DLG1: variants seen among roughly 807,000 people sequenced by gnomAD.
DLG1 encodes the protein discs large MAGUK scaffold protein 1, also known as disks large homolog 1.
In DLG1, 42 loss-of-function variants were observed where a neutral mutation model predicts 123.4. That is an observed-to-expected ratio of 0.34 (90% CI 0.27 to 0.44). The LOEUF is 0.44. Ranked by LOEUF, DLG1 falls within the 20% of genes least tolerant of loss-of-function variation. The pLI, the probability that DLG1 is intolerant of heterozygous loss-of-function variation, is 1.00. For synonymous variants in DLG1, 317 were observed against 356.2 expected (o/e 0.89, Z 1.24); for missense variants, 942 against 1,082.6 (o/e 0.87, Z 1.82).
chr3:197,252,647 AAG>A (rs1249972490), intron 4 of DLG1, among the ~76,000 whole-genome samples: 3 of 152,202 alleles, frequency 2.0e-5, no homozygotes, highest in Non-Finnish European at 2.9e-5. Flanking sequence ...GCAAGATGAA[AAG>A]AGTCTGTAGA....
chr3:197,140,286 T>A, intron 7 of DLG1, 22 bp from the exon 8 acceptor site: 1 of 1,608,736 alleles, frequency 6.2e-7, no homozygotes, highest in East Asian at 2.2e-5. Flanking sequence ...AGAAAAAAAA[T>A]TGAGACTGAA....
At position 197,282,058 on chromosome 3, in the gene DLG1, G is replaced by A. The variant is rs1007573881; in HGVS notation, c.318+621C>T. 2.6e-5 allele frequency among the ~76,000 whole-genome samples: 4 copies of A among 152,112 alleles called. 1 individual carries two copies. Among genetic ancestry groups the A allele is most frequent in the Non-Finnish European group, 4.4e-5 (3 of 68,022 alleles). On this transcript the variant is annotated intron_variant, in intron 4 of 24. Coordinates refer to ENST00000667157, the MANE Select transcript of DLG1 (RefSeq NM_001366207.1). The stretch of plus-strand genomic sequence containing the variant: ...ACTTTCAAATGACTAATGCTTCTTA[G>A]GCAGAATCTTTGTTACAAACTGCTT...
Position 197,059,892 on chromosome 3 carries a change from A to G in DLG1, c.2480T>C (p.Ile827Thr), listed in dbSNP as rs1374901932. Residue 827 changes from isoleucine (I) to threonine (T), a missense_variant, in exon 23 of 25, where the codon ATC becomes ACC. Ile to Thr is a moderately conservative substitution (Grantham distance 89, BLOSUM62 -1). Transcript: ENST00000667157. ...TGCCTTAGGCATTTACACTTACATG[A>G]TATTTTCCATGGATTTGGGTTTAAT... is the stretch of plus-strand genomic sequence containing the variant. ...IFIKPKSMEN[I>T]MEMNKRLTEE... 8 of 1,607,454 alleles carry G rather than the reference A, an allele frequency of 5.0e-6. No individual in the cohort carries two copies. The highest frequency in any genetic ancestry group is 3.3e-5 in the Admixed American group (2 of 59,928).
chr3:197,290,087 C>A (rs1774074538), intron 3 of DLG1, among the ~76,000 whole-genome samples: 1 of 151,630 alleles, frequency 6.6e-6, no homozygotes, highest in African/African-American at 2.4e-5. Context: ...CATAAGGACA[C>A]AAGCTTGAAA....
intron 14 of DLG1, among the ~76,000 whole-genome samples, chr3:197,099,981 C>T (rs1762587646): frequency 6.6e-6 from 1 of 152,164 alleles, no homozygotes; most frequent in East Asian, 1.9e-4. Context: ...ATCTGACAGG[C>T]ATATGGCATT....
chr3:197,074,567 C>T (rs1746038072), intron 18 of DLG1, among the ~76,000 whole-genome samples: 1 of 152,014 alleles, frequency 6.6e-6, no homozygotes, highest in Non-Finnish European at 1.5e-5. Context: ...TTATCAATCT[C>T]AAAATAAATT....
intron 4 of DLG1, among the ~76,000 whole-genome samples, chr3:197,271,417 C>T (rs1763868568): frequency 6.6e-6 from 1 of 152,150 alleles, no homozygotes; most frequent in African/African-American, 2.4e-5. Flanking sequence ...TAGTTTTTCC[C>T]CTTCCTATAC....
chr3:197,164,445 A>C (rs1411727021), intron 5 of DLG1, among the ~76,000 whole-genome samples: 1 of 151,982 alleles, frequency 6.6e-6, no homozygotes, highest in East Asian at 1.9e-4. Context: ...AATTCTAGAA[A>C]TCTACCCTAA....
intron 4 of DLG1, among the ~76,000 whole-genome samples, chr3:197,206,924 T>G (rs1278916738): frequency 2.0e-5 from 3 of 152,190 alleles, no homozygotes; most frequent in Non-Finnish European, 4.4e-5. Flanking sequence ...TATATAGATA[T>G]CGATTGCTTT....
At chr3:197,193,252 T>A (rs1720622356) in intron 5 of DLG1, among the ~76,000 whole-genome samples, 1 of 152,136 alleles carries the variant, frequency 6.6e-6, no homozygotes, top group African/African-American at 2.4e-5. Context: ...ACGTAACAGA[T>A]AAGGAAACCT....
At chr3:197,052,392 T>G (rs940808586) in intron 23 of DLG1, among the ~76,000 whole-genome samples, 15 of 151,984 alleles carry the variant, frequency 9.9e-5, no homozygotes, top group Non-Finnish European at 1.8e-4. Context: ...GAGGCAGAGG[T>G]TGCAGTGAGC....
intron 8 of DLG1, 77 bp from the exon 9 acceptor site, chr3:197,138,468 G>A (rs1173397090): frequency 4.1e-6 from 3 of 732,158 alleles, no homozygotes; most frequent in East Asian, 9.5e-5. Flanking sequence ...CCAATTTTTT[G>A]TTACTTCTTT....
chr3:197,076,004 AT>A, intron 18 of DLG1: 1 of 537,542 alleles, frequency 1.9e-6, no homozygotes, highest in Non-Finnish European at 3.1e-6. Flanking sequence ...CTTACAGAGC[AT>A]TTTTACATAT....
rs575916812 is a variant in DLG1 at position 197,066,653 on chromosome 3, A to G, written c.2098+51T>C. On this transcript the variant is annotated intron_variant, in intron 20 of 24. Coordinates refer to ENST00000667157, the MANE Select transcript of DLG1 (RefSeq NM_001366207.1). ...TATGAGAATTTTTTTCCCCCAAATT[A>G]AAAAGTATATTCTTCTAGAAGGTTA... 28 of 1,405,732 alleles carry G rather than the reference A, an allele frequency of 2.0e-5. No individual in the cohort carries two copies. The South Asian group carries it at 3.7e-4, about 18-fold the overall frequency. The allele number at this position is 1,405,732 out of a possible 1,614,324, so 87.1% of individuals were successfully genotyped here.
rs865908767 is a variant in DLG1 at position 197,273,226 on chromosome 3, A to G, written c.318+9453T>C. On this transcript the variant is annotated intron_variant, in intron 4 of 24. Coordinates refer to ENST00000667157, the MANE Select transcript of DLG1 (RefSeq NM_001366207.1). ...TGTGTGTGTGTATGTGTGTGTATAT[A>G]TATATATTTTTTTCTTTATTTTTAT... 1.4e-3 allele frequency among the ~76,000 whole-genome samples: 171 copies of G among 123,568 alleles called. 1 individual carries two copies. Among genetic ancestry groups the G allele is most frequent in the Middle Eastern group, 8.3e-3 (2 of 240 alleles). The allele number at this position is 123,568 out of a possible 152,430, so 81.1% of individuals were successfully genotyped here. A position where few individuals can be genotyped will look rare whatever the true frequency, so the allele number is the denominator to read the frequency against.
In DLG1 at chr3:197,054,156, TAAG is replaced by T. The variant is rs200802472; in HGVS notation, c.2484-2491_2484-2489del. Among the ~76,000 whole-genome samples the T allele has an allele frequency of 6.0e-3, 912 of 152,316 alleles. 8 individuals carry two copies. Among genetic ancestry groups the T allele is most frequent in the Admixed American group, 6.8e-3 (104 of 15,302 alleles). ...TTATTGGGAAATCCCTTGTGTGTGG[TAAG>T]TTGCTGCTTTCAAGATTCTCTCTGT... On this transcript the variant is annotated intron_variant, in intron 23 of 24. Transcript: ENST00000667157.
At chr3:197,149,289 A>G (rs1423624465) in intron 6 of DLG1, among the ~76,000 whole-genome samples, 1 of 152,214 alleles carries the variant, frequency 6.6e-6, no homozygotes, top group African/African-American at 2.4e-5. Context: ...GAACTTTCAT[A>G]TAATAAAATT....
chr3:197,175,956 T>C (rs571207197), intron 5 of DLG1, among the ~76,000 whole-genome samples: 1 of 152,294 alleles, frequency 6.6e-6, no homozygotes, highest in South Asian at 2.1e-4. Flanking sequence ...AAAGGTTAAC[T>C]TTAAAACTTC....
intron 4 of DLG1, among the ~76,000 whole-genome samples, chr3:197,236,328 G>C (rs1745944741): frequency 6.6e-6 from 1 of 151,556 alleles, no homozygotes; most frequent in African/African-American, 2.4e-5. Context: ...TTAAAAAAAA[G>C]ACAAAATAAA....
Sources: gnomAD v4.1 joint callset for allele counts (sites outside exome capture counted in the v4.1 genomes callset) on GRCh38, gnomAD v4.1.1 for gene constraint, MANE v1.5 for transcripts, NCBI Gene and HGNC (gene_info 2026-07-23, HGNC 2026-07-21) for gene names.